The following RYR2 variants were observed in gnomAD, a reference collection of about 807,000 sequenced individuals.
RYR2 encodes cardiac muscle ryanodine receptor-calcium release channel.
A neutral mutation model predicts 601.1 loss-of-function variants in RYR2; 227 were observed. That is an observed-to-expected ratio of 0.38 (90% CI 0.34 to 0.42). The LOEUF (loss-of-function observed/expected upper bound fraction) is 0.42, where lower values mean the gene tolerates loss of function less well. Ranked by LOEUF, RYR2 falls within the 10% of genes least tolerant of loss-of-function variation. RYR2 has a pLI of 1.00. For missense variants in RYR2, 4,646 were observed against 6,156.5 expected, an observed-to-expected ratio of 0.75 and a Z score of 8.21; for synonymous variants, 2,223 against 2,175.1, an observed-to-expected ratio of 1.02 and a Z score of -0.61.
intron 1 of RYR2, among the ~76,000 whole-genome samples, chr1:237,246,011 A>T (rs1374753024): frequency 1.3e-5 from 2 of 152,102 alleles, no homozygotes; most frequent in Non-Finnish European, 2.9e-5. Flanking sequence ...CGAACTCCTG[A>T]CCTTGTGATC....
intron 1 of RYR2, among the ~76,000 whole-genome samples, chr1:237,199,251 A>G (rs1297547876): frequency 6.6e-6 from 1 of 152,258 alleles, no homozygotes. Flanking sequence ...TACGATCACA[A>G]GGTGAGGTCC....
At chr1:237,047,012 C>A (rs1287710788) in intron 1 of RYR2, among the ~76,000 whole-genome samples, 1 of 152,058 alleles carries the variant, frequency 6.6e-6, no homozygotes, top group Non-Finnish European at 1.5e-5. Flanking sequence ...AGGAAGAGGC[C>A]TTTAGAAAAC....
chr1:237,795,111 T>A (rs1658948718), intron 95 of RYR2, among the ~76,000 whole-genome samples, 178 bp from the exon 96 acceptor site: 1 of 152,210 alleles, frequency 6.6e-6, no homozygotes, highest in African/African-American at 2.4e-5. Context: ...ATATTTAAAA[T>A]AATATTCAAA....
At position 237,216,596 on chromosome 1, in the gene RYR2, C is replaced by T. The variant is rs141561873; in HGVS notation, c.49-53901C>T. 6.1e-3 allele frequency among the ~76,000 whole-genome samples: 920 copies of T among 151,572 alleles called. 12 individuals are homozygous for T. Among genetic ancestry groups the T allele is most frequent in the African/African-American group, 0.021 (874 of 41,318 alleles). On this transcript the variant is annotated intron_variant, in intron 1 of 104. Coordinates refer to ENST00000366574, the MANE Select transcript of RYR2 (RefSeq NM_001035.3). ...CTACTAAAAATACAAAAAAATTAGC[C>T]GGGCATGGTGGGCACCTGTAATCCC...
At chr1:237,769,192 C>G (rs1214476360) in intron 84 of RYR2, among the ~76,000 whole-genome samples, 1 of 151,862 alleles carries the variant, frequency 6.6e-6, no homozygotes. Context: ...ATCAATAAGC[C>G]TATGTAATGA....
chr1:237,717,508 A>G, intron 72 of RYR2, 140 bp downstream of exon 72: 1 of 653,896 alleles, frequency 1.5e-6, no homozygotes. Flanking sequence ...GACAGGCCCA[A>G]GACTCAAACA....
At chr1:237,258,838 T>G (rs1688245767) in intron 1 of RYR2, among the ~76,000 whole-genome samples, 1 of 152,216 alleles carries the variant, frequency 6.6e-6, no homozygotes, top group Non-Finnish European at 1.5e-5. Flanking sequence ...ATGGATTTCC[T>G]GATTTAGTGT....
intron 100 of RYR2, among the ~76,000 whole-genome samples, chr1:237,816,968 T>A (rs1364841570): frequency 6.6e-6 from 1 of 152,130 alleles, no homozygotes; most frequent in African/African-American, 2.4e-5. Flanking sequence ...TCCAGGAGAC[T>A]CTGATATGAG....
At chr1:237,691,057 A>G (rs1466034183) in intron 63 of RYR2, among the ~76,000 whole-genome samples, 1 of 152,166 alleles carries the variant, frequency 6.6e-6, no homozygotes, top group East Asian at 1.9e-4. Context: ...CAGGAAATAC[A>G]TTGATTATCA....
chr1:237,832,864 C>A lies in RYR2; in HGVS notation c.*217C>A. The A allele has an allele frequency of 2.4e-6, 1 of 419,414 alleles. No individual in the cohort carries two copies. Among genetic ancestry groups the A allele is most frequent in the Non-Finnish European group, 4.3e-6 (1 of 232,796 alleles). 26.0% of individuals were successfully genotyped at this position (419,414 alleles called of 1,614,324 possible). ...GACTGAAGAATAATCTAAATTCATA[C>A]TCAGACAAAAAAAGGAATTCTGGAA... On this transcript the variant is annotated 3_prime_UTR_variant, in exon 105 of 105. Coordinates refer to ENST00000366574, the MANE Select transcript of RYR2 (RefSeq NM_001035.3).
chr1:237,316,694 T>C (rs1695150198), intron 2 of RYR2, among the ~76,000 whole-genome samples: 1 of 152,228 alleles, frequency 6.6e-6, no homozygotes, highest in Admixed American at 6.5e-5. Flanking sequence ...AATCCATTTT[T>C]CCCTTCCCTT....
chr1:237,416,537 T>C (rs1434976867), intron 10 of RYR2, among the ~76,000 whole-genome samples: 1 of 152,200 alleles, frequency 6.6e-6, no homozygotes, highest in Non-Finnish European at 1.5e-5. Context: ...AAATTGCAGA[T>C]TGCTGTGTTA....
chr1:237,125,506 T>A (rs1425645482), intron 1 of RYR2, among the ~76,000 whole-genome samples: 1 of 152,202 alleles, frequency 6.6e-6, no homozygotes, highest in Admixed American at 6.5e-5. Context: ...GTAAACGCTT[T>A]AACATACTTT....
intron 17 of RYR2, among the ~76,000 whole-genome samples, chr1:237,471,674 G>A (rs1572475810): frequency 1.3e-5 from 2 of 151,206 alleles, no homozygotes; most frequent in African/African-American, 4.9e-5. Flanking sequence ...ATCCTTTAAG[G>A]TCAACCAAGT....
Position 237,795,418 on chromosome 1 carries a change from G to C in RYR2, c.13956+87G>C, listed in dbSNP as rs918984571. On this transcript the variant is annotated intron_variant, in intron 96 of 104. Coordinates refer to ENST00000366574, the MANE Select transcript of RYR2 (RefSeq NM_001035.3). ...TGATTCAGATGTAGAATAAGATATTGAGGTATAATTTATCTGCCTATTAAT... is the reference window on the plus strand; with the variant it reads ...TGATTCAGATGTAGAATAAGATATTCAGGTATAATTTATCTGCCTATTAAT... 3 of 684,936 alleles carry C rather than the reference G, an allele frequency of 4.4e-6. 1 individual carries two copies. In the South Asian group the frequency reaches 5.8e-5, roughly 13 times the overall value. 42.4% of individuals were successfully genotyped at this position (684,936 alleles called of 1,614,324 possible).
chr1:237,733,165 T>C (rs888106088), intron 78 of RYR2, among the ~76,000 whole-genome samples: 2 of 152,224 alleles, frequency 1.3e-5, no homozygotes, highest in Non-Finnish European at 2.9e-5. Flanking sequence ...GAAATAACTT[T>C]GCAAATTTTA....
chr1:237,764,824 A>G (rs921558908), intron 84 of RYR2, among the ~76,000 whole-genome samples: 6 of 152,210 alleles, frequency 3.9e-5, no homozygotes, highest in Non-Finnish European at 8.8e-5. Context: ...GTTAAGTTTC[A>G]AAATTGCTTT....
intron 27 of RYR2, among the ~76,000 whole-genome samples, chr1:237,565,017 G>T (rs895955006): frequency 2.0e-5 from 3 of 152,112 alleles, no homozygotes; most frequent in African/African-American, 7.2e-5. Context: ...GTCATTGATT[G>T]AACTGTTATT....
At chr1:237,278,425 G>C (rs1690526432) in intron 2 of RYR2, among the ~76,000 whole-genome samples, 1 of 151,602 alleles carries the variant, frequency 6.6e-6, no homozygotes, top group Admixed American at 6.6e-5. Context: ...GGATAAGAGG[G>C]TTATAGGAAT....
Sources: allele counts gnomAD v4.1 joint callset (sites outside exome capture counted in the v4.1 genomes callset), GRCh38; gene constraint gnomAD v4.1.1; transcripts MANE v1.5; gene names NCBI Gene and HGNC (gene_info 2026-07-23, HGNC 2026-07-21).